The following ALDH6A1 variants were observed in gnomAD, a reference collection of about 807,000 sequenced individuals.
ALDH6A1 encodes methylmalonate-semialdehyde/malonate-semialdehyde dehydrogenase [acylating], mitochondrial.
In ALDH6A1, 43 loss-of-function variants were observed where a neutral mutation model predicts 62.6. The observed-to-expected ratio is 0.69, with a 90% CI of 0.54 to 0.89. The LOEUF (loss-of-function observed/expected upper bound fraction) is 0.89, where lower values mean the gene tolerates loss of function less well. Ranked by LOEUF, ALDH6A1 falls within the 40% of genes least tolerant of loss-of-function variation. The probability of loss-of-function intolerance (pLI) is 0.00; values close to 1 mark genes in which losing one functional copy is unlikely to be tolerated. For missense variants in ALDH6A1, 551 were observed against 661.3 expected (o/e 0.83, Z 1.83); for synonymous variants, 194 against 234.2 (o/e 0.83, Z 1.57).
At chr14:74,063,771 C>T (rs1488483050) in intron 11 of ALDH6A1, among the ~76,000 whole-genome samples, 1 of 150,238 alleles carries the variant, frequency 6.7e-6, no homozygotes, top group East Asian at 2.0e-4. Flanking sequence ...GAGGCTGAGG[C>T]AGGAGAATTG....
At chr14:74,067,015 A>C in intron 8 of ALDH6A1, 129 bp from the exon 9 acceptor site, 1 of 892,572 alleles carries the variant, frequency 1.1e-6, no homozygotes, top group Non-Finnish European at 1.8e-6. Context: ...CAGGAGTTCC[A>C]GACCAGCCTG....
At chr14:74,069,101 CTTTTTTTTT>C (rs900873855) in intron 6 of ALDH6A1, 120 bp from the exon 7 acceptor site, 4 of 461,256 alleles carry the variant, frequency 8.7e-6, no homozygotes, top group Non-Finnish European at 9.9e-6. Context: ...TTTACTTTTT[CTTTTTTTTT>C]TTTTTTTTTT....
rs781146217 is a variant in ALDH6A1 at position 74,057,104 on chromosome 14, TAG to T, written c.*3536_*3537del. Reference sequence around the variant, plus strand: ...TATTCTAAACCAGGTTTCATGTGTGTAGAGTTGTTGACGGTTCTGTTATTTTG... The same window carrying T: ...TATTCTAAACCAGGTTTCATGTGTGTAGTTGTTGACGGTTCTGTTATTTTG... On this transcript the variant is annotated 3_prime_UTR_variant, in exon 12 of 12. Transcript: ENST00000553458. 5 of 1,605,224 alleles carry T rather than the reference TAG, an allele frequency of 3.1e-6. No individual in the cohort carries two copies. In the East Asian group the frequency reaches 1.1e-4, roughly 36 times the overall value.
At chr14:74,062,730 A>G (rs75646425) in intron 11 of ALDH6A1, among the ~76,000 whole-genome samples, 10,372 of 152,272 alleles carry the variant, frequency 0.068, 550 homozygotes, top group South Asian at 0.26. Context: ...TCCCATTGTT[A>G]ATTTTTTAAT....
At position 74,063,051 on chromosome 14, in the gene ALDH6A1, C is replaced by T. The variant is rs559362756; in HGVS notation, c.1503+1771G>A. 3.3e-5 allele frequency among the ~76,000 whole-genome samples: 5 copies of T among 152,288 alleles called. No individual in the cohort carries two copies. In the East Asian group the frequency reaches 9.7e-4, roughly 29 times the overall value. ...CCTACATGACTCAACCCCTGCCTGC[C>T]TCTCTAACTTCATTTCTTCCTTTTC... On this transcript the variant is annotated intron_variant, in intron 11 of 11. Transcript: ENST00000553458.
At chr14:74,077,390 A>G (rs2060623906) in intron 1 of ALDH6A1, among the ~76,000 whole-genome samples, 3 of 152,108 alleles carry the variant, frequency 2.0e-5, no homozygotes, top group Admixed American at 2.0e-4. Context: ...AATACCTGAG[A>G]CTGGGCAATT....
chr14:74,080,283 C>G (rs1305905405), intron 1 of ALDH6A1, among the ~76,000 whole-genome samples: 1 of 152,074 alleles, frequency 6.6e-6, no homozygotes, highest in Non-Finnish European at 1.5e-5. Flanking sequence ...CTGCCATTAT[C>G]CCAGTCTATA....
chr14:74,071,126 C>T, intron 6 of ALDH6A1, 69 bp downstream of exon 6: 1 of 1,419,410 alleles, frequency 7.0e-7, no homozygotes, highest in Non-Finnish European at 1.0e-6. Flanking sequence ...CCTAAAACAT[C>T]CAACCATCAC....
rs764620562 is a variant in ALDH6A1 at position 74,057,188 on chromosome 14, T to C, written c.*3454A>G. On this transcript the variant is annotated 3_prime_UTR_variant, in exon 12 of 12. Transcript: ENST00000553458. ...GATAAAATCTTCATCACCCAGCAAA[T>C]TGCAATATCAGACTCTTCTGGTGAA... is the stretch of plus-strand genomic sequence containing the variant. 16 of 1,613,706 alleles carry C rather than the reference T, an allele frequency of 9.9e-6. No homozygotes were observed. Among genetic ancestry groups the C allele is most frequent in the African/African-American group, 8.0e-5 (6 of 75,050 alleles).
At position 74,066,378 on chromosome 14, in the gene ALDH6A1, AT is replaced by A. The variant is rs1045426854; in HGVS notation, c.1224+326del. ...TCAAATATCAGTGTCCATAAATAAC[AT>A]TTTTTTTGGAACACAGCCACACAAT... On this transcript the variant is annotated intron_variant, in intron 9 of 11. Coordinates refer to ENST00000553458, the MANE Select transcript of ALDH6A1 (RefSeq NM_005589.4). 3.3e-5 allele frequency among the ~76,000 whole-genome samples: 5 copies of A among 152,074 alleles called. 1 individual carries two copies. Among genetic ancestry groups the A allele is most frequent in the South Asian group, 4.1e-4 (2 of 4,822 alleles).
At chr14:74,066,386 T>G (rs1366426732) in intron 9 of ALDH6A1, among the ~76,000 whole-genome samples, 2 of 152,214 alleles carry the variant, frequency 1.3e-5, no homozygotes, top group African/African-American at 4.8e-5. Context: ...ACATTTTTTT[T>G]GGAACACAGC....
chr14:74,068,859 C>A lies in ALDH6A1; in HGVS notation c.852+1G>T, dbSNP rs751548936. 1.2e-6 allele frequency: 2 copies of A among 1,613,936 alleles called. No individual in the cohort carries two copies. Among genetic ancestry groups the A allele is most frequent in the African/African-American group, 1.3e-5 (1 of 75,004 alleles). ...TGGAGAAAAAAGGAATAAGAAGTCACCATATTGGCTTGAACCCTCTTGCCA... is the reference window on the plus strand; with the variant it reads ...TGGAGAAAAAAGGAATAAGAAGTCAACATATTGGCTTGAACCCTCTTGCCA... On this transcript the variant is annotated splice_donor_variant, in intron 7 of 11. Coordinates refer to ENST00000553458, the MANE Select transcript of ALDH6A1 (RefSeq NM_005589.4). LOFTEE classifies it high-confidence loss of function.
chr14:74,060,457 T>C lies in ALDH6A1; in HGVS notation c.*185A>G. 1.6e-6 allele frequency: 1 copy of C among 610,840 alleles called. No individual in the cohort carries two copies. Among genetic ancestry groups the C allele is most frequent in the South Asian group, 1.9e-5 (1 of 53,470 alleles). The allele number at this position is 610,840 out of a possible 1,614,324, so 37.8% of individuals were successfully genotyped here. ...AAGTATGAAGAGCAAGTGAGAAATC[T>C]GGTTTCATTGTTACACTAGGCAGTT... On this transcript the variant is annotated 3_prime_UTR_variant, in exon 12 of 12. Transcript: ENST00000553458.
rs4646866 is a variant in ALDH6A1 at position 74,059,485 on chromosome 14, C to G, written c.*1157G>C. ...CCGAGGCAGGCGGATCACCTGAGGT[C>G]AGGAGTTCGAGACCAGCCTGACCAA... On this transcript the variant is annotated 3_prime_UTR_variant, in exon 12 of 12. Coordinates refer to ENST00000553458, the MANE Select transcript of ALDH6A1 (RefSeq NM_005589.4). 105,453 of 432,008 alleles carry G rather than the reference C, an allele frequency of 0.24. 15,441 individuals carry two copies. The highest frequency in any genetic ancestry group is 0.45 in the South Asian group (27,629 of 60,880). The allele number at this position is 432,008 out of a possible 1,614,324, so 26.8% of individuals were successfully genotyped here.
rs1474326097 is a variant in ALDH6A1, at chr14:74,060,669, A to T, written c.1581T>A (p.Ala527=). 11 of 1,613,358 alleles carry T rather than the reference A, an allele frequency of 6.8e-6. No individual in the cohort carries two copies. The highest frequency in any genetic ancestry group is 8.5e-6 in the Non-Finnish European group (10 of 1,179,374). Residue 527 remains alanine, a synonymous_variant, in exon 12 of 12, where the codon GCT becomes GCA. Coordinates refer to ENST00000553458, the MANE Select transcript of ALDH6A1 (RefSeq NM_005589.4). ...AACGGCCCATGGTAGGCATGACAAC[A>T]GCAGGTGAGGAAAGAGTAGCATCTT... The part of the protein sequence containing the change: ...KEEDATLSSP[A]VVMPTMGR
At position 74,066,708 on chromosome 14, in the gene ALDH6A1, G is replaced by C. The variant is rs756896845; in HGVS notation, c.1221C>G (p.Val407=). ...TTGTGAAGTGAAAGTTGTTCACCTTGACATTCGAGATGATGGTTGGTCCAA... is the reference window on the plus strand; with the variant it reads ...TTGTGAAGTGAAAGTTGTTCACCTTCACATTCGAGATGATGGTTGGTCCAA... The part of the protein sequence containing the change: ...NFVGPTIISN[V]KPNMTCYKEE... Residue 407 remains valine (V), a synonymous_variant, in exon 9 of 12, where the codon GTC becomes GTG. Transcript: ENST00000553458. 2 of 1,613,904 alleles carry C rather than the reference G, an allele frequency of 1.2e-6. No homozygotes were observed. Among genetic ancestry groups the C allele is most frequent in the East Asian group, 4.5e-5 (2 of 44,880 alleles).
intron 1 of ALDH6A1, 28 bp downstream of exon 1, chr14:74,084,319 A>C: frequency 1.9e-6 from 3 of 1,613,706 alleles, no homozygotes; most frequent in Non-Finnish European, 2.5e-6. Flanking sequence ...TCCTAGCTTC[A>C]TGGTGCCTTG....
At position 74,077,858 on chromosome 14, in the gene ALDH6A1, C is replaced by T. The variant is rs1018969844; in HGVS notation, c.49-2841G>A. 2.0e-5 allele frequency among the ~76,000 whole-genome samples: 3 copies of T among 152,320 alleles called. No homozygotes were observed. The South Asian group carries it at 6.2e-4, about 32-fold the overall frequency. On this transcript the variant is annotated intron_variant, in intron 1 of 11. Transcript: ENST00000553458. ...ACACTGCATCTGTCTTGTTCACCTA[C>T]TTCAGAGTTAAAGATTAAACCTGAT...
At chr14:74,066,673 G>A (rs1353556721) in intron 9 of ALDH6A1, 32 bp downstream of exon 9, 2 of 1,597,372 alleles carry the variant, frequency 1.3e-6, no homozygotes, top group Admixed American at 3.3e-5. Flanking sequence ...GGTGCCTTCA[G>A]CTCTCATATT....
Sources: gnomAD v4.1 joint callset for allele counts (sites outside exome capture counted in the v4.1 genomes callset) on GRCh38, gnomAD v4.1.1 for gene constraint, MANE v1.5 for transcripts, NCBI Gene and HGNC (gene_info 2026-07-23, HGNC 2026-07-21) for gene names.